Variants in PTPRG observed in about 807,000 individuals in gnomAD.
PTPRG encodes protein tyrosine phosphatase receptor type G.
A neutral mutation model predicts 165.3 loss-of-function variants in PTPRG; 102 were observed. That is an observed-to-expected ratio of 0.62 (90% confidence interval 0.53 to 0.73). PTPRG has a LOEUF of 0.73. Among genes scored for constraint, PTPRG ranks in the 30% least tolerant of loss-of-function variants. PTPRG has a pLI of 0.00. For synonymous variants in PTPRG, 675 were observed against 669.5 expected (o/e 1.01, Z -0.13); for missense variants, 1,866 against 1,861.4 (o/e 1.00, Z -0.05).
chr3:61,880,706 G>C (rs1559665950), intron 2 of PTPRG, among the ~76,000 whole-genome samples: 1 of 150,478 alleles, frequency 6.6e-6, no homozygotes, highest in African/African-American at 2.4e-5. Context: ...AGAGCTAAAA[G>C]AATGAGAACG....
chr3:61,887,163 TA>T (rs1559670252), intron 2 of PTPRG, among the ~76,000 whole-genome samples: 4 of 99,186 alleles, frequency 4.0e-5, no homozygotes, highest in East Asian at 2.8e-4. Flanking sequence ...TATATATATA[TA>T]TATATATTTT....
rs1463140419 is a variant in PTPRG at position 62,295,118 on chromosome 3, G to A, written c.*1811G>A. 2 of 152,116 alleles carry A rather than the reference G, an allele frequency of 1.3e-5. No individual in the cohort carries two copies. Among genetic ancestry groups the A allele is most frequent in the African/African-American group, 4.8e-5 (2 of 41,412 alleles). The allele number at this position is 152,116 out of a possible 1,614,324, so 9.4% of individuals were successfully genotyped here. On this transcript the variant is annotated 3_prime_UTR_variant, in exon 30 of 30. Transcript: ENST00000474889. The stretch of plus-strand genomic sequence containing the variant: ...GAATACTCTGCTTTTCAAGAGCTGC[G>A]TAAGCTAGTCCTGAGATAAGATGTT...
At chr3:61,988,238 T>C (rs1202239553) in intron 2 of PTPRG, among the ~76,000 whole-genome samples, 1 of 152,118 alleles carries the variant, frequency 6.6e-6, no homozygotes, top group Non-Finnish European at 1.5e-5. Flanking sequence ...ATAGCAAAAA[T>C]ATGCATCATT....
intron 1 of PTPRG, among the ~76,000 whole-genome samples, chr3:61,711,427 C>A (rs1318038568): frequency 2.0e-5 from 3 of 152,234 alleles, no homozygotes; most frequent in African/African-American, 7.2e-5. Flanking sequence ...TCCTCTCCAG[C>A]ATCTGTTGTT....
At chr3:62,274,783 C>G (rs1316249411) in intron 23 of PTPRG, among the ~76,000 whole-genome samples, 2 of 152,078 alleles carry the variant, frequency 1.3e-5, no homozygotes, top group South Asian at 2.1e-4. Flanking sequence ...CATTAACATT[C>G]TACTATAAAA....
At chr3:61,845,673 A>G (rs665441) in intron 2 of PTPRG, among the ~76,000 whole-genome samples, 24,127 of 152,162 alleles carry the variant, frequency 0.16, 1,930 homozygotes, top group Middle Eastern at 0.19. Context: ...TCTCTGTTAC[A>G]CGGGGTGGCT....
At chr3:61,918,081 T>A (rs1343978790) in intron 2 of PTPRG, among the ~76,000 whole-genome samples, 1 of 152,114 alleles carries the variant, frequency 6.6e-6, no homozygotes, top group African/African-American at 2.4e-5. Context: ...ACTCTTGAAT[T>A]TTTTCCCCTA....
intron 4 of PTPRG, among the ~76,000 whole-genome samples, chr3:62,049,958 G>A (rs1004717107): frequency 2.0e-5 from 3 of 152,200 alleles, no homozygotes; most frequent in Non-Finnish European, 4.4e-5. Flanking sequence ...TTGAATGTAT[G>A]ATTAAAGTGA....
intron 1 of PTPRG, among the ~76,000 whole-genome samples, chr3:61,614,634 A>G (rs1575538929): frequency 6.6e-6 from 1 of 150,536 alleles, no homozygotes; most frequent in South Asian, 2.1e-4. Context: ...CTGGTCTTGA[A>G]CTCCTGGATT....
At chr3:61,755,542 A>T (rs2033607335) in intron 2 of PTPRG, among the ~76,000 whole-genome samples, 1 of 152,204 alleles carries the variant, frequency 6.6e-6, no homozygotes, top group South Asian at 2.1e-4. Context: ...TTATTTGTTT[A>T]CCACACTTAC....
At chr3:61,756,157 A>G (rs534375283) in intron 2 of PTPRG, among the ~76,000 whole-genome samples, 145 of 152,350 alleles carry the variant, frequency 9.5e-4, no homozygotes, top group African/African-American at 3.4e-3. Context: ...AATTTTGACT[A>G]GAACCTATTA....
chr3:61,977,127 C>G (rs2040528240), intron 2 of PTPRG, among the ~76,000 whole-genome samples: 1 of 152,008 alleles, frequency 6.6e-6, no homozygotes, highest in Non-Finnish European at 1.5e-5. Context: ...GATTGTATAT[C>G]TGATTATGTG....
intron 1 of PTPRG, among the ~76,000 whole-genome samples, chr3:61,732,476 C>G (rs137868499): frequency 0.27 from 40,722 of 151,446 alleles, 7,241 homozygotes; most frequent in Non-Finnish European, 0.38. Flanking sequence ...ACTCGGGAGG[C>G]TGAGGCAGGG....
In PTPRG at chr3:62,100,468, G is replaced by C. The variant is rs116188587; in HGVS notation, c.615+22210G>C. ...CTACGCTGTCATTTTATGTCTTTCA[G>C]TTTCTGTGCAGTCAGACCACAGAGA... On this transcript the variant is annotated intron_variant, in intron 5 of 29. Coordinates refer to ENST00000474889, the MANE Select transcript of PTPRG (RefSeq NM_002841.4). 2.1e-3 allele frequency among the ~76,000 whole-genome samples: 318 copies of C among 152,188 alleles called. 2 individuals are homozygous for C. The highest frequency in any genetic ancestry group is 7.4e-3 in the African/African-American group (306 of 41,520).
At chr3:61,657,528 A>T (rs936064966) in intron 1 of PTPRG, among the ~76,000 whole-genome samples, 4 of 152,082 alleles carry the variant, frequency 2.6e-5, no homozygotes, top group Non-Finnish European at 4.4e-5. Context: ...TAGTCCCACT[A>T]CTCAGGAGGC....
intron 2 of PTPRG, among the ~76,000 whole-genome samples, chr3:61,794,249 G>A (rs1055801821): frequency 2.6e-5 from 4 of 151,776 alleles, no homozygotes; most frequent in Admixed American, 2.0e-4. Flanking sequence ...GTGTGTGGGG[G>A]GTATCTTTTT....
intron 2 of PTPRG, among the ~76,000 whole-genome samples, chr3:61,752,865 G>C (rs190223307): frequency 2.0e-5 from 3 of 150,156 alleles, no homozygotes; most frequent in Non-Finnish European, 4.4e-5. Context: ...GTTTTTAGCA[G>C]ATGTTAGTCT....
At chr3:61,786,396 G>A (rs2034703478) in intron 2 of PTPRG, among the ~76,000 whole-genome samples, 1 of 152,112 alleles carries the variant, frequency 6.6e-6, no homozygotes, top group Non-Finnish European at 1.5e-5. Context: ...ACTGTATTTG[G>A]CCGTGGCTTG....
chr3:61,992,237 A>G (rs40409), intron 3 of PTPRG, among the ~76,000 whole-genome samples: 80,194 of 151,564 alleles, frequency 0.53, 21,739 homozygotes, highest in African/African-American at 0.65. Context: ...AACAAAGAAC[A>G]TGCATTTTTG....
Sources: gnomAD v4.1 joint callset for allele counts (sites outside exome capture counted in the v4.1 genomes callset) on GRCh38, gnomAD v4.1.1 for gene constraint, MANE v1.5 for transcripts, NCBI Gene and HGNC (gene_info 2026-07-23, HGNC 2026-07-21) for gene names.